The following PTK2B variants were observed in gnomAD, a reference collection of about 807,000 sequenced individuals.
PTK2B encodes the protein protein tyrosine kinase 2 beta.
A neutral mutation model predicts 142.9 loss-of-function variants in PTK2B; 71 were observed. The ratio of observed to expected loss-of-function variants is 0.50; its 90% CI spans 0.41 to 0.61. The LOEUF is 0.61. Ranked by LOEUF, PTK2B falls within the 20% of genes least tolerant of loss-of-function variation. PTK2B has a pLI of 0.00. For missense variants in PTK2B, 1,105 were observed against 1,320.4 expected, an observed-to-expected ratio of 0.84 and a Z score of 2.53; for synonymous variants, 519 against 503.4, an observed-to-expected ratio of 1.03 and a Z score of -0.42.
intron 24 of PTK2B, among the ~76,000 whole-genome samples, chr8:27,447,929 G>A (rs947506334): frequency 6.6e-6 from 1 of 152,210 alleles, no homozygotes; most frequent in Non-Finnish European, 1.5e-5. Flanking sequence ...ATTGCTGGAC[G>A]CTGTCCTCGG....
At chr8:27,445,704 A>C in intron 23 of PTK2B, 90 bp from the exon 24 acceptor site, 1 of 1,564,594 alleles carries the variant, frequency 6.4e-7, no homozygotes, top group South Asian at 1.1e-5. Context: ...GTGCTCATGC[A>C]TAGTTTCTTT....
intron 5 of PTK2B, among the ~76,000 whole-genome samples, chr8:27,424,072 A>T (rs1809925061): frequency 6.6e-6 from 1 of 152,126 alleles, no homozygotes; most frequent in African/African-American, 2.4e-5. Context: ...TATGACTTGC[A>T]TTACATCCTG....
Position 27,419,949 on chromosome 8 carries a change from G to A in PTK2B, c.259G>A (p.Ala87Thr). Residue 87 changes from alanine to threonine, a missense_variant, in exon 3 of 31, where the codon GCT becomes ACT. Transcript: ENST00000346049. ...SGRIGPNIRLAECYGLRLKHM... is the reference protein window; with the variant it reads ...SGRIGPNIRLTECYGLRLKHM... ...GCGGATCGGGCCCAACATCCGGTTG[G>A]CTGAGTGCTATGGGCTGAGGCTGAA... 2 of 1,614,208 alleles carry A rather than the reference G, an allele frequency of 1.2e-6. No individual in the cohort carries two copies. Among genetic ancestry groups the A allele is most frequent in the Non-Finnish European group, 1.7e-6 (2 of 1,180,032 alleles).
intron 1 of PTK2B, among the ~76,000 whole-genome samples, chr8:27,369,650 A>G (rs1022667955): frequency 6.6e-6 from 1 of 151,966 alleles, no homozygotes. Flanking sequence ...AGCCTGGGTG[A>G]CAGAGTGAGA....
chr8:27,352,094 C>T (rs879785907), intron 1 of PTK2B, among the ~76,000 whole-genome samples: 4 of 152,060 alleles, frequency 2.6e-5, no homozygotes, highest in African/African-American at 4.8e-5. Flanking sequence ...GGACCCACGG[C>T]GGGGGGGCTG....
intron 12 of PTK2B, 149 bp from the exon 13 acceptor site, chr8:27,434,364 C>CTGGGG: frequency 9.5e-7 from 1 of 1,053,522 alleles, no homozygotes; most frequent in Non-Finnish European, 1.4e-6. Context: ...CTCCAGCCCC[C>CTGGGG]AGCAGCCTGG....
chr8:27,318,234 C>A (rs894182522), intron 3 of PTK2B, among the ~76,000 whole-genome samples: 67 of 152,162 alleles, frequency 4.4e-4, no homozygotes, highest in African/African-American at 1.6e-3. Context: ...ATGCATTTGC[C>A]TGCAGCAATC....
At chr8:27,334,794 G>C (rs560323130) in intron 1 of PTK2B, among the ~76,000 whole-genome samples, 5 of 152,160 alleles carry the variant, frequency 3.3e-5, no homozygotes, top group Admixed American at 3.3e-4. Flanking sequence ...GCCACATCCC[G>C]AGTCTCTTGA....
intron 1 of PTK2B, among the ~76,000 whole-genome samples, chr8:27,388,365 C>T (rs530617325): frequency 1.3e-5 from 2 of 152,270 alleles, no homozygotes; most frequent in East Asian, 3.9e-4. Flanking sequence ...TTAAAGATGA[C>T]AAAGAGTGTG....
chr8:27,311,522 G>T, exon 1 of PTK2B: 1 of 492,562 alleles, frequency 2.0e-6, no homozygotes, highest in South Asian at 3.2e-5. Flanking sequence ...TCCCTGGCCG[G>T]GGTAGCACGG....
At chr8:27,407,855 G>A (rs577176269) in intron 2 of PTK2B, among the ~76,000 whole-genome samples, 9 of 152,204 alleles carry the variant, frequency 5.9e-5, no homozygotes, top group African/African-American at 1.4e-4. Flanking sequence ...CACCTGCTCT[G>A]CACCTACCAT....
chr8:27,322,336 C>T (rs1469717091), upstream of PTK2B: 1 of 152,160 alleles, frequency 6.6e-6, no homozygotes, highest in African/African-American at 2.4e-5. Flanking sequence ...TTGCTCTTTA[C>T]CACCTGGGAG....
intron 1 of PTK2B, among the ~76,000 whole-genome samples, chr8:27,342,674 C>A (rs1414025730): frequency 6.6e-6 from 1 of 152,186 alleles, no homozygotes; most frequent in African/African-American, 2.4e-5. Flanking sequence ...CCAGCACCCC[C>A]AGTTCATCCC....
rs200441000 is a variant in PTK2B, at chr8:27,442,948, T to C, written c.2113T>C (p.Leu705=). The C allele has an allele frequency of 6.2e-7, 1 of 1,614,112 alleles. No homozygotes were observed. The highest frequency in any genetic ancestry group is 2.2e-5 in the East Asian group (1 of 44,882). ...TGCTCGCTACCGAACCCCCAAAATC[T>C]TGGAGCCCACAGCCTTCCAGGAACC... ...RNARYRTPKI[L]EPTAFQEPPP... is the part of the protein sequence containing the mutation. The change falls in exon 22 of 31, where the codon TTG becomes CTG. Residue 705 remains leucine, a synonymous_variant. Coordinates refer to ENST00000346049, the MANE Select transcript of PTK2B (RefSeq NM_173176.3).
chr8:27,329,591 G>A (rs573184304), intron 1 of PTK2B, among the ~76,000 whole-genome samples: 1 of 152,300 alleles, frequency 6.6e-6, no homozygotes, highest in Non-Finnish European at 1.5e-5. Flanking sequence ...ATGGAGTAGA[G>A]GTGCAGAGCT....
intron 10 of PTK2B, 31 bp downstream of exon 10, chr8:27,432,392 A>T (rs1810492629): frequency 1.3e-6 from 2 of 1,598,906 alleles, no homozygotes; most frequent in Non-Finnish European, 1.7e-6. Context: ...GGCACCTGGC[A>T]GCTCTGCAGG....
At chr8:27,376,165 A>G (rs1229103152) in intron 1 of PTK2B, among the ~76,000 whole-genome samples, 3 of 152,164 alleles carry the variant, frequency 2.0e-5, no homozygotes, top group Non-Finnish European at 4.4e-5. Flanking sequence ...AGTCCTCAGA[A>G]CCCAAGACCT....
intron 1 of PTK2B, among the ~76,000 whole-genome samples, chr8:27,330,125 T>G (rs1252806763): frequency 6.6e-6 from 1 of 152,132 alleles, no homozygotes; most frequent in Non-Finnish European, 1.5e-5. Context: ...ATGGACTGTT[T>G]CGATATTTCA....
chr8:27,364,729 A>G (rs1380698507), intron 1 of PTK2B, among the ~76,000 whole-genome samples: 1 of 152,206 alleles, frequency 6.6e-6, no homozygotes, highest in Admixed American at 6.5e-5. Context: ...GGCCTCACTG[A>G]CGTCCAATTG....
Sources: allele counts gnomAD v4.1 joint callset (sites outside exome capture counted in the v4.1 genomes callset), GRCh38; gene constraint gnomAD v4.1.1; transcripts MANE v1.5; gene names NCBI Gene and HGNC (gene_info 2026-07-23, HGNC 2026-07-21).